The following DACH2 variants were observed in gnomAD, a reference collection of about 807,000 sequenced individuals.
The protein encoded by DACH2 is dachshund family transcription factor 2.
A neutral mutation model predicts 35.8 loss-of-function variants in DACH2; 17 were observed. That is an observed-to-expected ratio of 0.48 (90% confidence interval 0.33 to 0.71). DACH2 has a LOEUF of 0.71. Ranked by LOEUF, DACH2 falls within the 30% of genes least tolerant of loss-of-function variation. The pLI, the probability that DACH2 is intolerant of heterozygous loss-of-function variation, is 0.02. For synonymous variants in DACH2, 195 were observed against 177.3 expected (o/e 1.10, Z -0.79); for missense variants, 469 against 472.7 (o/e 0.99, Z 0.07).
At chrX:86,336,951 T>C (rs950174779) in intron 1 of DACH2, among the ~76,000 whole-genome samples, 2 of 107,629 alleles carry the variant, frequency 1.9e-5, no homozygotes, top group African/African-American at 3.4e-5. Flanking sequence ...CATAGCTGAA[T>C]CGATCAAGCA....
At chrX:86,385,069 T>G (rs1002802302) in intron 2 of DACH2, among the ~76,000 whole-genome samples, 3 of 111,619 alleles carry the variant, frequency 2.7e-5, no homozygotes, top group African/African-American at 9.7e-5. Context: ...AGCTGGCTAG[T>G]CCTAGCCAAA....
At chrX:86,416,715 G>A (rs181136295) in intron 2 of DACH2, among the ~76,000 whole-genome samples, 39 of 111,054 alleles carry the variant, frequency 3.5e-4, no homozygotes, top group East Asian at 3.4e-3. Flanking sequence ...GCTTTCATTC[G>A]TGGCAGAAGG....
intron 7 of DACH2, among the ~76,000 whole-genome samples, chrX:86,743,071 C>A (rs144400981): frequency 1.8e-5 from 2 of 111,215 alleles, no homozygotes; most frequent in African/African-American, 6.5e-5. Context: ...TTATAGTTGA[C>A]GGTTATATTT....
At position 86,698,521 on chromosome X, in the gene DACH2, G is replaced by GTTTTTTTTTTTTTTTTTTTTTTTTTTT. The variant is rs767152609; in HGVS notation, c.931+3343_931+3369dup. On this transcript the variant is annotated intron_variant, in intron 5 of 11. Coordinates refer to ENST00000373125, the MANE Select transcript of DACH2 (RefSeq NM_053281.3). The stretch of plus-strand genomic sequence containing the variant: ...CTTCTTTTTGTTTTGTTAGTTTTGT[G>GTTTTTTTTTTTTTTTTTTTTTTTTTTT]TTTTTTTTTTTTTTTTTTTTTTTTT... 7.6e-4 allele frequency among the ~76,000 whole-genome samples: 25 copies of GTTTTTTTTTTTTTTTTTTTTTTTTTTT among 32,955 alleles called. 9 individuals carry two copies. Among genetic ancestry groups the GTTTTTTTTTTTTTTTTTTTTTTTTTTT allele is most frequent in the South Asian group, 2.5e-3 (1 of 393 alleles). 28.6% of individuals were successfully genotyped at this position (32,955 alleles called of 115,157 possible).
intron 7 of DACH2, among the ~76,000 whole-genome samples, chrX:86,770,129 G>T (rs140771719): frequency 4.6e-5 from 5 of 109,022 alleles, no homozygotes; most frequent in Admixed American, 9.9e-5. Flanking sequence ...ATTTTAAAGC[G>T]CACAAAGACA....
chrX:86,620,698 G>C (rs1237420983), intron 3 of DACH2, among the ~76,000 whole-genome samples: 1 of 110,409 alleles, frequency 9.1e-6, no homozygotes, highest in Non-Finnish European at 1.9e-5. Context: ...GTTTGTGATT[G>C]AGAGACTGTG....
At chrX:86,301,728 T>C (rs1000240480) in intron 1 of DACH2, among the ~76,000 whole-genome samples, 1 of 112,292 alleles carries the variant, frequency 8.9e-6, no homozygotes, top group African/African-American at 3.2e-5. Flanking sequence ...AATTGCATAA[T>C]GTACAAGTTG....
intron 2 of DACH2, among the ~76,000 whole-genome samples, chrX:86,486,945 C>A (rs1477856896): frequency 8.9e-6 from 1 of 111,784 alleles, no homozygotes; most frequent in Non-Finnish European, 1.9e-5. Context: ...TAATAATGGG[C>A]TATGTGATGG....
At chrX:86,609,493 T>C (rs930178087) in intron 3 of DACH2, among the ~76,000 whole-genome samples, 7 of 112,361 alleles carry the variant, frequency 6.2e-5, no homozygotes, top group Non-Finnish European at 1.3e-4. Flanking sequence ...ATTTGTGAGT[T>C]AATGTTTTCC....
At chrX:86,723,833 G>T (rs1242973423) in intron 6 of DACH2, among the ~76,000 whole-genome samples, 3 of 111,057 alleles carry the variant, frequency 2.7e-5, no homozygotes, top group African/African-American at 9.8e-5. Flanking sequence ...TTAGAATCAT[G>T]ATATCCTCTT....
intron 1 of DACH2, among the ~76,000 whole-genome samples, chrX:86,374,431 G>T (rs2035934212): frequency 9.0e-6 from 1 of 110,818 alleles, no homozygotes; most frequent in African/African-American, 3.3e-5. Flanking sequence ...TCTACAGTAA[G>T]GTTAATCAAT....
rs908816807 is a variant in DACH2, at chrX:86,583,422, T to C, written c.641-67614T>C. On this transcript the variant is annotated intron_variant, in intron 3 of 11. Coordinates refer to ENST00000373125, the MANE Select transcript of DACH2 (RefSeq NM_053281.3). The stretch of plus-strand genomic sequence containing the variant: ...GAAATAGGTAGAGCAGAAGTCAAAG[T>C]ATCTCTGTTGGCAGATATGATTCTA... 2.7e-5 allele frequency among the ~76,000 whole-genome samples: 3 copies of C among 111,397 alleles called. No individual in the cohort carries two copies. The Admixed American group carries it at 2.9e-4, about 11-fold the overall frequency.
At chrX:86,787,618 C>CAAAA (rs5902916) in intron 7 of DACH2, among the ~76,000 whole-genome samples, 2 of 72,285 alleles carry the variant, frequency 2.8e-5, no homozygotes, top group East Asian at 4.9e-4. Context: ...AACTCAGTCT[C>CAAAA]AAAAAAAAAA....
intron 7 of DACH2, among the ~76,000 whole-genome samples, chrX:86,769,996 T>C (rs756175003): frequency 2.3e-4 from 23 of 101,226 alleles, no homozygotes; most frequent in Admixed American, 1.9e-3. Flanking sequence ...ACCCCTTCTC[T>C]ATAAAAAAAA....
chrX:86,244,304 T>C (rs2033232661), intron 1 of DACH2, among the ~76,000 whole-genome samples: 1 of 112,249 alleles, frequency 8.9e-6, no homozygotes, highest in African/African-American at 3.2e-5. Context: ...ATCCCAATAC[T>C]ATCAATACTT....
At chrX:86,314,419 GA>G (rs1285028158) in intron 1 of DACH2, among the ~76,000 whole-genome samples, 2 of 110,919 alleles carry the variant, frequency 1.8e-5, no homozygotes, top group East Asian at 5.7e-4. Context: ...TAGGGAGGAT[GA>G]AATAGGAGGA....
At chrX:86,322,454 C>G (rs1210373667) in intron 1 of DACH2, among the ~76,000 whole-genome samples, 1 of 110,892 alleles carries the variant, frequency 9.0e-6, no homozygotes, top group African/African-American at 3.3e-5. Flanking sequence ...GGGGGTGCCC[C>G]CACCGACGGT....
At chrX:86,714,042 A>G (rs2041308299) in intron 5 of DACH2, among the ~76,000 whole-genome samples, 1 of 111,840 alleles carries the variant, frequency 8.9e-6, no homozygotes, top group Admixed American at 9.6e-5. Context: ...AGAGATTTAT[A>G]TCTAAAAGGG....
chrX:86,624,998 T>C (rs1164583880), intron 3 of DACH2, among the ~76,000 whole-genome samples: 2 of 111,731 alleles, frequency 1.8e-5, no homozygotes, highest in Non-Finnish European at 3.8e-5. Context: ...AGGAGAAAGA[T>C]AAATTTCTTT....
Sources: gnomAD v4.1 joint callset for allele counts (sites outside exome capture counted in the v4.1 genomes callset) on GRCh38, gnomAD v4.1.1 for gene constraint, MANE v1.5 for transcripts, NCBI Gene and HGNC (gene_info 2026-07-23, HGNC 2026-07-21) for gene names.